Variants in AP1B1 observed in about 807,000 individuals in gnomAD.
The protein encoded by AP1B1 is adaptor related protein complex 1 subunit beta 1.
In AP1B1, 36 loss-of-function variants were observed where a neutral mutation model predicts 104.3. The ratio of observed to expected loss-of-function variants is 0.35; its 90% CI spans 0.26 to 0.46. The LOEUF (loss-of-function observed/expected upper bound fraction) is 0.46. Ranked by LOEUF, AP1B1 falls within the 20% of genes least tolerant of loss-of-function variation. AP1B1 has a pLI of 1.00. For synonymous variants in AP1B1, 504 were observed against 517.5 expected (o/e 0.97, Z 0.35); for missense variants, 901 against 1,247.9 (o/e 0.72, Z 4.19).
chr22:29,373,040 C>A (rs1196234188), intron 1 of AP1B1, among the ~76,000 whole-genome samples: 1 of 152,178 alleles, frequency 6.6e-6, no homozygotes, highest in Non-Finnish European at 1.5e-5. Flanking sequence ...AATACCAGCA[C>A]CTTGGGAGGC....
chr22:29,335,924 G>A (rs527712791), intron 16 of AP1B1, among the ~76,000 whole-genome samples: 21 of 152,314 alleles, frequency 1.4e-4, no homozygotes, highest in Admixed American at 1.2e-3. Context: ...AACCTGACCG[G>A]GGGGCATGGC....
Position 29,366,117 on chromosome 22 carries a change from T to G in AP1B1, c.37+1090A>C, listed in dbSNP as rs571465968. 3.0e-3 allele frequency among the ~76,000 whole-genome samples: 458 copies of G among 152,146 alleles called. 2 individuals carry two copies. The highest frequency in any genetic ancestry group is 4.1e-3 in the Non-Finnish European group (281 of 68,000). On this transcript the variant is annotated intron_variant, in intron 2 of 22. Transcript: ENST00000357586. Reference sequence around the variant, plus strand: ...TCACTTGGAAGGAAGGAGGGAGGAATAAAGGGCTGGCCAGAAAGATGCTTA... The same window carrying G: ...TCACTTGGAAGGAAGGAGGGAGGAAGAAAGGGCTGGCCAGAAAGATGCTTA...
At chr22:29,350,226 G>T in intron 9 of AP1B1, 76 bp from the exon 10 acceptor site, 2 of 1,116,300 alleles carry the variant, frequency 1.8e-6, no homozygotes, top group Non-Finnish European at 2.7e-6. Flanking sequence ...CCACGCCTCG[G>T]CCAAGGGCTG....
intron 1 of AP1B1, among the ~76,000 whole-genome samples, chr22:29,371,871 CTT>C (rs2062244849): frequency 6.6e-6 from 1 of 152,154 alleles, no homozygotes; most frequent in South Asian, 2.1e-4. Context: ...TAATGAGTCA[CTT>C]TGCTAAGGAG....
chr22:29,338,962 C>T (rs534748230), intron 16 of AP1B1, 28 bp downstream of exon 16: 4 of 1,613,006 alleles, frequency 2.5e-6, no homozygotes, highest in Admixed American at 3.3e-5. Context: ...CTCTCTGCTC[C>T]CGCCAAGACA....
intron 9 of AP1B1, 77 bp from the exon 10 acceptor site, chr22:29,350,227 C>T (rs974620069): frequency 1.8e-6 from 2 of 1,120,420 alleles, no homozygotes; most frequent in Non-Finnish European, 2.7e-6. Context: ...CACGCCTCGG[C>T]CAAGGGCTGC....
chr22:29,331,635 G>A, intron 18 of AP1B1, 102 bp from the exon 19 acceptor site: 1 of 1,574,006 alleles, frequency 6.4e-7, no homozygotes, highest in South Asian at 1.1e-5. Context: ...GGCCTTCCCT[G>A]GTAAACACAC....
At chr22:29,363,735 T>C (rs2062088316) in intron 2 of AP1B1, among the ~76,000 whole-genome samples, 1 of 151,374 alleles carries the variant, frequency 6.6e-6, no homozygotes. Context: ...TTCTACAAAA[T>C]AATTTTTTTT....
intron 1 of AP1B1, among the ~76,000 whole-genome samples, chr22:29,383,974 A>G (rs1256086235): frequency 1.3e-5 from 2 of 152,182 alleles, no homozygotes; most frequent in Non-Finnish European, 2.9e-5. Context: ...ACCATAGCCA[A>G]GTCCTTCCTC....
chr22:29,341,696 G>A lies in AP1B1; in HGVS notation c.1601C>T (p.Pro534Leu), dbSNP rs1297525814. 1.9e-6 allele frequency: 3 copies of A among 1,613,984 alleles called. No individual in the cohort carries two copies. The highest frequency in any genetic ancestry group is 1.7e-5 in the Admixed American group (1 of 60,000). ...CAACACCACCTCCTTGGCTGCCACC[G>A]GGTCCGTGGACAGCAGGCGCCAGTA... ...YIYWRLLSTD[P>L]VAAKEVVLAE... is the part of the protein sequence containing the mutation. The change falls in exon 13 of 23, where the codon CCG (proline) becomes CTG (leucine). Residue 534 changes from proline to leucine, a missense_variant. Around this residue, in one of 3 missense-constraint regions of AP1B1, gnomAD observed 471 missense variants for 696.7 expected, o/e 0.68. Transcript: ENST00000357586.
At chr22:29,384,168 T>C (rs1412743854) in intron 1 of AP1B1, among the ~76,000 whole-genome samples, 7 of 152,216 alleles carry the variant, frequency 4.6e-5, no homozygotes, top group Admixed American at 2.6e-4. Context: ...AACAAGTCAA[T>C]ACATACCTAG....
chr22:29,341,764 G>T lies in AP1B1; in HGVS notation c.1537-4C>A. 1 of 1,601,964 alleles carries T rather than the reference G, an allele frequency of 6.2e-7. No homozygotes were observed. Among genetic ancestry groups the T allele is most frequent in the Non-Finnish European group, 8.5e-7 (1 of 1,170,852 alleles). Reference sequence around the variant, plus strand: ...GCAGGTCTGGGTTATCTGAGTCCTTGTGGGGGTGAGGAGAAGCCCATGAAA... The same window carrying T: ...GCAGGTCTGGGTTATCTGAGTCCTTTTGGGGGTGAGGAGAAGCCCATGAAA... On this transcript the variant is annotated splice_polypyrimidine_tract_variant and splice_region_variant and intron_variant, in intron 12 of 22. Coordinates refer to ENST00000357586, the MANE Select transcript of AP1B1 (RefSeq NM_001127.4).
intron 7 of AP1B1, among the ~76,000 whole-genome samples, chr22:29,354,135 C>T (rs921651631): frequency 3.3e-5 from 5 of 152,228 alleles, no homozygotes; most frequent in Non-Finnish European, 5.9e-5. Context: ...CTCCCCCAGA[C>T]CTCAAGGTTC....
intron 1 of AP1B1, among the ~76,000 whole-genome samples, chr22:29,372,258 A>G (rs1309481523): frequency 6.6e-6 from 1 of 151,936 alleles, no homozygotes; most frequent in Non-Finnish European, 1.5e-5. Flanking sequence ...CCCCATCTCT[A>G]CTAAAAATAC....
chr22:29,351,166 C>T lies in AP1B1; in HGVS notation c.1155+5G>A. 1 of 1,606,950 alleles carries T rather than the reference C, an allele frequency of 6.2e-7. No individual in the cohort carries two copies. The highest frequency in any genetic ancestry group is 8.5e-7 in the Non-Finnish European group (1 of 1,174,270). ...CCAGCCAAGGACAGAGTCCCAGAGCCTCACCTCCACCTTGATGGCGCAGCG... is the reference window on the plus strand; with the variant it reads ...CCAGCCAAGGACAGAGTCCCAGAGCTTCACCTCCACCTTGATGGCGCAGCG... On this transcript the variant is annotated splice_donor_5th_base_variant and intron_variant, in intron 9 of 22. Transcript: ENST00000357586.
At chr22:29,330,207 G>T in intron 21 of AP1B1, 171 bp downstream of exon 21, 1 of 1,466,124 alleles carries the variant, frequency 6.8e-7, no homozygotes, top group Non-Finnish European at 9.0e-7. Flanking sequence ...TGGGTAACCT[G>T]ACGGGGTTGA....
At chr22:29,385,352 C>T (rs987794534) in intron 1 of AP1B1, among the ~76,000 whole-genome samples, 1 of 152,152 alleles carries the variant, frequency 6.6e-6, no homozygotes, top group Non-Finnish European at 1.5e-5. Flanking sequence ...CTCCACTGTA[C>T]TACAGTCTGG....
At chr22:29,344,498 T>A (rs2061760153) in intron 11 of AP1B1, among the ~76,000 whole-genome samples, 1 of 148,556 alleles carries the variant, frequency 6.7e-6, no homozygotes, top group Non-Finnish European at 1.5e-5. Context: ...TGGGCTGATA[T>A]ACCACCCTGG....
At chr22:29,346,801 G>A (rs978539230) in intron 11 of AP1B1, among the ~76,000 whole-genome samples, 3 of 152,102 alleles carry the variant, frequency 2.0e-5, no homozygotes, top group Admixed American at 6.5e-5. Context: ...CAGTGGGGGG[G>A]GGTGACGGTG....
Sources: allele counts gnomAD v4.1 joint callset (sites outside exome capture counted in the v4.1 genomes callset), GRCh38; gene constraint gnomAD v4.1.1; regional missense constraint gnomAD v4.1.1; transcripts MANE v1.5; gene names NCBI Gene and HGNC (gene_info 2026-07-23, HGNC 2026-07-21).